The following LRRC7 variants were observed in gnomAD, a reference collection of about 807,000 sequenced individuals.
LRRC7 encodes leucine rich repeat containing 7.
A neutral mutation model predicts 175.7 loss-of-function variants in LRRC7; 23 were observed. The observed-to-expected ratio is 0.13, with a 90% CI of 0.09 to 0.19. The LOEUF (loss-of-function observed/expected upper bound fraction) is 0.19, where lower values mean the gene tolerates loss of function less well. LRRC7 is among the 10% of genes least tolerant of loss of function. LRRC7 has a pLI of 1.00. For missense variants in LRRC7, 1,354 were observed against 1,904.7 expected (o/e 0.71, Z 5.38); for synonymous variants, 685 against 680.9 (o/e 1.01, Z -0.09).
At chr1:69,618,816 A>G (rs943354542) in intron 1 of LRRC7, among the ~76,000 whole-genome samples, 1 of 152,200 alleles carries the variant, frequency 6.6e-6, no homozygotes, top group African/African-American at 2.4e-5. Flanking sequence ...TTTCCAAGTT[A>G]TCACTAGTAA....
intron 11 of LRRC7, among the ~76,000 whole-genome samples, chr1:70,005,391 T>A (rs1038853197): frequency 1.3e-5 from 2 of 152,188 alleles, no homozygotes; most frequent in African/African-American, 4.8e-5. Context: ...ACCAATGATG[T>A]TAAAGTGAAA....
At position 70,054,578 on chromosome 1, in the gene LRRC7, C is replaced by CTTTTTTTTTTTTTTTT. The variant is rs35639787; in HGVS notation, c.4230+1449_4230+1464dup. ...TTGAATTATGGTTCTTTACACTCTA[C>CTTTTTTTTTTTTTTTT]TTTTTTTTTTTTTTTTTTTTTTTTT... is the stretch of plus-strand genomic sequence containing the variant. On this transcript the variant is annotated intron_variant, in intron 23 of 26. Transcript: ENST00000651989. 5.6e-5 allele frequency among the ~76,000 whole-genome samples: 3 copies of CTTTTTTTTTTTTTTTT among 53,798 alleles called. 1 individual carries two copies. Among genetic ancestry groups the CTTTTTTTTTTTTTTTT allele is most frequent in the Non-Finnish European group, 6.9e-5 (2 of 28,944 alleles). The allele number at this position is 53,798 out of a possible 152,430, so 35.3% of individuals were successfully genotyped here.
intron 7 of LRRC7, among the ~76,000 whole-genome samples, chr1:69,861,125 T>C (rs1684316043): frequency 6.6e-6 from 1 of 152,068 alleles, no homozygotes; most frequent in Admixed American, 6.6e-5. Flanking sequence ...AATAATTAGT[T>C]ATAAATTTAT....
intron 3 of LRRC7, among the ~76,000 whole-genome samples, chr1:69,771,178 G>A (rs1250023371): frequency 6.6e-6 from 1 of 150,976 alleles, no homozygotes. Flanking sequence ...CAATTATTTT[G>A]GCATTTAAAT....
chr1:70,037,570 G>A (rs1659427777), intron 20 of LRRC7, among the ~76,000 whole-genome samples: 1 of 152,142 alleles, frequency 6.6e-6, no homozygotes, highest in South Asian at 2.1e-4. Flanking sequence ...GTCATCTGAA[G>A]ACAATTTAGA....
intron 8 of LRRC7, among the ~76,000 whole-genome samples, chr1:69,966,891 C>T (rs1280823437): frequency 6.6e-6 from 1 of 152,212 alleles, no homozygotes; most frequent in Non-Finnish European, 1.5e-5. Flanking sequence ...GCAAAGTCCA[C>T]ATGGAGAAGG....
intron 2 of LRRC7, among the ~76,000 whole-genome samples, chr1:69,681,325 A>G (rs2100614979): frequency 6.6e-6 from 1 of 152,298 alleles, no homozygotes; most frequent in African/African-American, 2.4e-5. Context: ...CTAAGAATTG[A>G]AAGGAATAAG....
chr1:69,820,087 T>C (rs1679098686), intron 4 of LRRC7, among the ~76,000 whole-genome samples: 1 of 152,126 alleles, frequency 6.6e-6, no homozygotes, highest in Admixed American at 6.6e-5. Flanking sequence ...TTTTTCTGAT[T>C]GTTTTATAGT....
At chr1:69,604,900 C>A (rs1451185737) in intron 1 of LRRC7, among the ~76,000 whole-genome samples, 1 of 152,186 alleles carries the variant, frequency 6.6e-6, no homozygotes, top group Non-Finnish European at 1.5e-5. Flanking sequence ...ACACTTCATG[C>A]ACGTGTAACA....
intron 3 of LRRC7, among the ~76,000 whole-genome samples, chr1:69,779,751 C>A (rs1673267254): frequency 6.6e-6 from 1 of 152,190 alleles, no homozygotes; most frequent in Admixed American, 6.5e-5. Context: ...TAGTCACAAT[C>A]TTTCTGCAGG....
intron 1 of LRRC7, among the ~76,000 whole-genome samples, chr1:69,574,033 G>A (rs1464886401): frequency 6.6e-6 from 1 of 152,082 alleles, no homozygotes; most frequent in Non-Finnish European, 1.5e-5. Flanking sequence ...AACACAAGGG[G>A]ATAGGTATGC....
chr1:69,750,024 G>A (rs916760847), intron 2 of LRRC7, among the ~76,000 whole-genome samples: 4 of 151,002 alleles, frequency 2.6e-5, no homozygotes, highest in South Asian at 2.1e-4. Flanking sequence ...TCACGCCACT[G>A]CACTCCAGCC....
intron 25 of LRRC7, among the ~76,000 whole-genome samples, chr1:70,106,440 C>T (rs1188057654): frequency 1.3e-5 from 2 of 152,044 alleles, no homozygotes; most frequent in African/African-American, 2.4e-5. Flanking sequence ...GTTTTCATAA[C>T]GTTTTCTTCT....
intron 2 of LRRC7, among the ~76,000 whole-genome samples, chr1:69,739,079 G>A (rs980134105): frequency 7.9e-5 from 12 of 152,056 alleles, no homozygotes; most frequent in African/African-American, 2.7e-4. Flanking sequence ...GCAGTAGCTG[G>A]TCACTATGGT....
rs558193859 is a variant in LRRC7 at position 70,124,790 on chromosome 1, G to C, written c.*2903G>C. Reference sequence around the variant, plus strand: ...AAAGAAAAATCAATAACAACAAAAAGAACTGGAATTCATGATGGCTCCAGT... The same window carrying C: ...AAAGAAAAATCAATAACAACAAAAACAACTGGAATTCATGATGGCTCCAGT... On this transcript the variant is annotated 3_prime_UTR_variant, in exon 27 of 27. Coordinates refer to ENST00000651989, the MANE Select transcript of LRRC7 (RefSeq NM_001370785.2). 2.0e-5 allele frequency among the ~76,000 whole-genome samples: 3 copies of C among 151,364 alleles called. No individual in the cohort carries two copies. Among genetic ancestry groups the C allele is most frequent in the Non-Finnish European group, 4.4e-5 (3 of 67,840 alleles).
intron 10 of LRRC7, among the ~76,000 whole-genome samples, chr1:69,987,601 C>T (rs1473159724): frequency 6.6e-6 from 1 of 152,176 alleles, no homozygotes; most frequent in Non-Finnish European, 1.5e-5. Flanking sequence ...ACTAGCTCCA[C>T]ATATGAGTTG....
At chr1:69,748,972 C>A (rs1324925934) in intron 2 of LRRC7, among the ~76,000 whole-genome samples, 1 of 152,082 alleles carries the variant, frequency 6.6e-6, no homozygotes, top group Non-Finnish European at 1.5e-5. Flanking sequence ...CTTCATGCTG[C>A]TCTTGGGTCA....
At chr1:69,700,721 A>G (rs1196067082) in intron 2 of LRRC7, among the ~76,000 whole-genome samples, 1 of 152,238 alleles carries the variant, frequency 6.6e-6, no homozygotes, top group Non-Finnish European at 1.5e-5. Context: ...AGAAAATTAC[A>G]GGGAACTTGG....
At chr1:69,665,731 G>A (rs890619671) in intron 1 of LRRC7, among the ~76,000 whole-genome samples, 9 of 151,878 alleles carry the variant, frequency 5.9e-5, no homozygotes, top group Admixed American at 2.0e-4. Flanking sequence ...TGGTGGAGAC[G>A]TTAGATTTTT....
Sources: gnomAD v4.1 joint callset for allele counts (sites outside exome capture counted in the v4.1 genomes callset) on GRCh38, gnomAD v4.1.1 for gene constraint, MANE v1.5 for transcripts, NCBI Gene and HGNC (gene_info 2026-07-23, HGNC 2026-07-21) for gene names.